EEPD1: variants seen among roughly 807,000 people sequenced by gnomAD.
EEPD1 encodes endonuclease/exonuclease/phosphatase family domain-containing protein 1.
In EEPD1, 17 loss-of-function variants were observed where a neutral mutation model predicts 46.3. The observed-to-expected ratio is 0.37, with a 90% CI of 0.25 to 0.55. The LOEUF (loss-of-function observed/expected upper bound fraction) is 0.55. Among genes scored for constraint, EEPD1 ranks in the 20% least tolerant of loss-of-function variants. The pLI is 0.83. For missense variants in EEPD1, 673 were observed against 745.6 expected, an observed-to-expected ratio of 0.90 and a Z score of 1.13; for synonymous variants, 313 against 315.6, an observed-to-expected ratio of 0.99 and a Z score of 0.09.
At chr7:36,216,979 G>T (rs368410078) in intron 2 of EEPD1, among the ~76,000 whole-genome samples, 9 of 152,298 alleles carry the variant, frequency 5.9e-5, no homozygotes, top group Middle Eastern at 6.8e-3. Flanking sequence ...AAACTTTTCT[G>T]CCATAACTAT....
At chr7:36,182,049 A>T (rs71537973) in intron 2 of EEPD1, among the ~76,000 whole-genome samples, 8,710 of 152,294 alleles carry the variant, frequency 0.057, 368 homozygotes, top group Non-Finnish European at 0.079. Context: ...GGGGGAAAGT[A>T]AAATCTACAA....
chr7:36,227,828 C>T (rs1235215780), intron 2 of EEPD1, among the ~76,000 whole-genome samples: 6 of 152,190 alleles, frequency 3.9e-5, no homozygotes, highest in African/African-American at 1.4e-4. Flanking sequence ...GCTGCGATTA[C>T]AGGCACATGC....
At chr7:36,243,080 G>C (rs1056187371) in intron 3 of EEPD1, among the ~76,000 whole-genome samples, 1 of 152,164 alleles carries the variant, frequency 6.6e-6, no homozygotes, top group African/African-American at 2.4e-5. Flanking sequence ...TCGAAGTGTG[G>C]CCCACAGACC....
intron 2 of EEPD1, among the ~76,000 whole-genome samples, chr7:36,168,359 A>G (rs1000665416): frequency 6.6e-6 from 1 of 152,206 alleles, no homozygotes; most frequent in Admixed American, 6.5e-5. Context: ...GACTTGAATG[A>G]AGTGACGTAC....
At chr7:36,261,595 T>G (rs1786926690) in intron 3 of EEPD1, among the ~76,000 whole-genome samples, 1 of 152,196 alleles carries the variant, frequency 6.6e-6, no homozygotes, top group Non-Finnish European at 1.5e-5. Context: ...AACTTTCAAT[T>G]CACTTTTTTA....
chr7:36,163,695 C>T (rs897732531), intron 2 of EEPD1, among the ~76,000 whole-genome samples: 35 of 152,104 alleles, frequency 2.3e-4, no homozygotes, highest in African/African-American at 6.7e-4. Context: ...TTGGCTAACA[C>T]AGTGAAACCC....
intron 3 of EEPD1, among the ~76,000 whole-genome samples, chr7:36,252,923 G>A (rs1411252108): frequency 8.2e-6 from 1 of 121,890 alleles, no homozygotes; most frequent in Non-Finnish European, 1.7e-5. Context: ...TGGTTCCATT[G>A]GTTTTTCTGG....
At chr7:36,235,935 T>A (rs915866541) in intron 2 of EEPD1, among the ~76,000 whole-genome samples, 3 of 151,444 alleles carry the variant, frequency 2.0e-5, no homozygotes, top group South Asian at 2.1e-4. Context: ...TCCTTTTTTT[T>A]TTTTTTTGAG....
chr7:36,188,016 TTGAACACTTGTCC>T (rs200171759), intron 2 of EEPD1, among the ~76,000 whole-genome samples: 6,809 of 152,256 alleles, frequency 0.045, 498 homozygotes, highest in African/African-American at 0.15. Context: ...CAGGCTGGTC[TTGAACACTTGTCC>T]TCGTGATCCG....
chr7:36,278,355 G>T, intron 3 of EEPD1, among the ~76,000 whole-genome samples: 1 of 152,178 alleles, frequency 6.6e-6, no homozygotes, highest in East Asian at 1.9e-4. Flanking sequence ...GTCCTCCTGG[G>T]GGTTAGGAGA....
chr7:36,224,904 T>C (rs993211617), intron 2 of EEPD1, among the ~76,000 whole-genome samples: 12 of 151,948 alleles, frequency 7.9e-5, no homozygotes, highest in African/African-American at 2.9e-4. Context: ...TACTGGGTCA[T>C]CTATGTGGGC....
chr7:36,295,972 A>G lies in EEPD1; in HGVS notation c.1316-1021A>G, dbSNP rs183865070. ...CTTGAACCCAGGAGGCAGAGGTTGT[A>G]GTGAGCCGAGATTGTGCCACTGCAC... On this transcript the variant is annotated intron_variant, in intron 6 of 7. Coordinates refer to ENST00000242108, the MANE Select transcript of EEPD1 (RefSeq NM_030636.3). Among the ~76,000 whole-genome samples, 99 of 128,194 alleles carry G rather than the reference A, an allele frequency of 7.7e-4. 1 individual carries two copies. The Middle Eastern group carries it at 0.027, about 35-fold the overall frequency. 84.1% of individuals were successfully genotyped at this position (128,194 alleles called of 152,430 possible). A position where few individuals can be genotyped will look rare whatever the true frequency, so the allele number is the denominator to read the frequency against.
At chr7:36,263,800 A>G (rs1786970257) in intron 3 of EEPD1, among the ~76,000 whole-genome samples, 2 of 152,162 alleles carry the variant, frequency 1.3e-5, no homozygotes, top group Non-Finnish European at 2.9e-5. Context: ...CCACCTGCCT[A>G]AATCTCTTAG....
chr7:36,198,461 C>T (rs562104996), intron 2 of EEPD1, among the ~76,000 whole-genome samples: 95 of 136,634 alleles, frequency 7.0e-4, no homozygotes, highest in African/African-American at 2.3e-3. Context: ...ATTATAATCT[C>T]ATAGGACCAC....
At chr7:36,294,867 C>G (rs1026589766) in intron 6 of EEPD1, among the ~76,000 whole-genome samples, 5 of 152,070 alleles carry the variant, frequency 3.3e-5, no homozygotes, top group Admixed American at 2.6e-4. Context: ...ATGGCTGATG[C>G]GAGGACTGAG....
intron 6 of EEPD1, among the ~76,000 whole-genome samples, chr7:36,294,953 G>A (rs891595839): frequency 4.6e-5 from 7 of 152,154 alleles, no homozygotes; most frequent in East Asian, 3.9e-4. Context: ...CGAAGTGAGC[G>A]GATCACTTGA....
intron 3 of EEPD1, among the ~76,000 whole-genome samples, chr7:36,249,463 G>T (rs1257433369): frequency 6.6e-6 from 1 of 152,080 alleles, no homozygotes; most frequent in Non-Finnish European, 1.5e-5. Flanking sequence ...TAATAAACAC[G>T]CTATGGCATG....
chr7:36,161,909 A>T (rs1210893077), intron 2 of EEPD1, among the ~76,000 whole-genome samples: 2 of 152,032 alleles, frequency 1.3e-5, no homozygotes, highest in Non-Finnish European at 2.9e-5. Context: ...AAAAAAAAAA[A>T]AAAAAAATTA....
chr7:36,254,523 A>G (rs958129510), intron 3 of EEPD1, among the ~76,000 whole-genome samples: 2 of 152,146 alleles, frequency 1.3e-5, no homozygotes, highest in African/African-American at 4.8e-5. Context: ...TGTCCAGTCT[A>G]TCATTGATGG....
Sources: allele counts gnomAD v4.1 joint callset (sites outside exome capture counted in the v4.1 genomes callset), GRCh38; gene constraint gnomAD v4.1.1; transcripts MANE v1.5; gene names NCBI Gene and HGNC (gene_info 2026-07-23, HGNC 2026-07-21).